Variants in SPATA33 observed in about 807,000 individuals in gnomAD.
SPATA33 encodes spermatogenesis-associated protein 33.
Under a neutral mutation model 8.9 loss-of-function variants are expected in SPATA33, and 10 were observed. The observed-to-expected ratio is 1.12, with a 90% CI of 0.69 to 1.90. The LOEUF (loss-of-function observed/expected upper bound fraction) is 1.90. SPATA33 is among the 40% of genes most tolerant of loss of function. SPATA33 has a pLI of 0.00. For missense variants in SPATA33, 241 were observed against 178.3 expected (o/e 1.35, Z -2.00); for synonymous variants, 96 against 72.8 (o/e 1.32, Z -1.63).
chr16:89,668,494 CAG>C (rs1187186184), intron 2 of SPATA33, among the ~76,000 whole-genome samples: 1 of 152,160 alleles, frequency 6.6e-6, no homozygotes, highest in Non-Finnish European at 1.5e-5. Context: ...CATATGTGTG[CAG>C]AGAGAGCCAG....
chr16:89,666,661 G>A (rs141432562), intron 2 of SPATA33, among the ~76,000 whole-genome samples: 279 of 152,274 alleles, frequency 1.8e-3, no homozygotes, highest in African/African-American at 5.9e-3. Context: ...CCACCAAGCC[G>A]TGGAGACCGG....
intron 2 of SPATA33, among the ~76,000 whole-genome samples, chr16:89,668,729 C>G (rs111484591): frequency 5.3e-5 from 8 of 152,364 alleles, no homozygotes; most frequent in South Asian, 2.1e-4. Flanking sequence ...GGCCGGCCAG[C>G]CAGGAGAGCA....
Position 89,658,348 on chromosome 16 carries a change from G to A in SPATA33, c.138G>A (p.Ser46=), listed in dbSNP as rs1328258401. ...AAGCCAGGCAGGCAGACAGGGAGTC[G>A]GAGAAGCCTGTGGACAGCCTCCACC... ...SQEARQADRE[S]EKPVDSLHPG... The change falls in exon 2 of 3, where the codon TCG becomes TCA. Residue 46 remains serine, a synonymous_variant. Transcript: ENST00000579310. The A allele has an allele frequency of 1.2e-6, 2 of 1,613,812 alleles. No homozygotes were observed. Among genetic ancestry groups the A allele is most frequent in the South Asian group, 2.2e-5 (2 of 91,080 alleles).
intron 2 of SPATA33, among the ~76,000 whole-genome samples, chr16:89,666,157 C>T (rs1010638812): frequency 1.4e-4 from 22 of 152,012 alleles, no homozygotes; most frequent in African/African-American, 4.8e-4. Flanking sequence ...GTCGGGCCCT[C>T]TGATACTCAA....
At position 89,666,241 on chromosome 16, in the gene SPATA33, C is replaced by T. The variant is rs551025877; in HGVS notation, c.212-3045C>T. Among the ~76,000 whole-genome samples the T allele has an allele frequency of 5.3e-5, 8 of 152,226 alleles. No homozygotes were observed. In the South Asian group the frequency reaches 1.7e-3, roughly 32 times the overall value. On this transcript the variant is annotated intron_variant, in intron 2 of 2. Coordinates refer to ENST00000579310, the MANE Select transcript of SPATA33 (RefSeq NM_001271907.2). ...GTCCCATAGGTGGGATCTGTGGTTCCAGCTACTCAGTGAGGTCCGAGGATC... is the reference window on the plus strand; with the variant it reads ...GTCCCATAGGTGGGATCTGTGGTTCTAGCTACTCAGTGAGGTCCGAGGATC...
intron 2 of SPATA33, chr16:89,658,696 T>C: frequency 2.1e-6 from 1 of 486,598 alleles, no homozygotes; most frequent in Non-Finnish European, 3.7e-6. Flanking sequence ...GTGTCTCACC[T>C]GAGGTTCTCC....
intron 2 of SPATA33, among the ~76,000 whole-genome samples, chr16:89,664,685 A>G (rs1019533420): frequency 6.6e-6 from 1 of 152,076 alleles, no homozygotes; most frequent in African/African-American, 2.4e-5. Context: ...CTGATCAGGG[A>G]AGCCAGACAG....
chr16:89,659,107 T>G (rs1568010009), intron 2 of SPATA33: 1 of 152,374 alleles, frequency 6.6e-6, no homozygotes, highest in Admixed American at 6.5e-5. Flanking sequence ...AAGACCAGCT[T>G]GGGCAACATA....
Position 89,658,386 on chromosome 16 carries a change from C to A in SPATA33, c.176C>A (p.Thr59Lys). ...PVDSLHPGAG[T>K]AKHPPPAASL... is the part of the protein sequence containing the mutation. The stretch of plus-strand genomic sequence containing the variant: ...GACAGCCTCCACCCGGGGGCCGGGA[C>A]AGCCAAGCACCCGCCGCCGGCAGCT... The change falls in exon 2 of 3, where the codon ACA becomes AAA. Residue 59 changes from threonine (T) to lysine (K), a missense_variant. Thr to Lys is a moderately conservative substitution (Grantham distance 78). Transcript: ENST00000579310. 6.2e-7 allele frequency: 1 copy of A among 1,612,342 alleles called. No individual in the cohort carries two copies. The highest frequency in any genetic ancestry group is 8.5e-7 in the Non-Finnish European group (1 of 1,179,604).
chr16:89,668,234 C>A (rs1055595439), intron 2 of SPATA33, among the ~76,000 whole-genome samples: 16 of 152,178 alleles, frequency 1.1e-4, no homozygotes, highest in African/African-American at 3.9e-4. Context: ...ATCACTTGAA[C>A]TCAGGAGGTG....
chr16:89,664,494 C>T (rs2059999907), intron 2 of SPATA33, among the ~76,000 whole-genome samples: 1 of 152,090 alleles, frequency 6.6e-6, no homozygotes, highest in Non-Finnish European at 1.5e-5. Flanking sequence ...CATCAAAATG[C>T]GAGATGATCC....
At chr16:89,664,997 C>T (rs1029711023) in intron 2 of SPATA33, among the ~76,000 whole-genome samples, 1 of 152,164 alleles carries the variant, frequency 6.6e-6, no homozygotes, top group African/African-American at 2.4e-5. Context: ...TGAGAAGAGT[C>T]ACATTTATTC....
chr16:89,668,781 G>C (rs965229197), intron 2 of SPATA33, among the ~76,000 whole-genome samples: 1 of 152,242 alleles, frequency 6.6e-6, no homozygotes, highest in African/African-American at 2.4e-5. Context: ...GGCAACGCTC[G>C]GCAGGCTCAG....
chr16:89,658,196 C>G (rs1338815577), intron 1 of SPATA33, 52 bp from the exon 2 acceptor site: 3 of 1,607,466 alleles, frequency 1.9e-6, no homozygotes, highest in Non-Finnish European at 2.6e-6. Flanking sequence ...ATGGGACCCA[C>G]TGCCCTGCAT....
intron 2 of SPATA33, among the ~76,000 whole-genome samples, chr16:89,661,934 C>G (rs187251790): frequency 1.3e-5 from 2 of 152,252 alleles, no homozygotes; most frequent in African/African-American, 4.8e-5. Context: ...CGCTAAAACA[C>G]AATCCCTATC....
intron 2 of SPATA33, among the ~76,000 whole-genome samples, chr16:89,663,225 C>T (rs1045798493): frequency 6.6e-6 from 1 of 150,604 alleles, no homozygotes; most frequent in African/African-American, 2.4e-5. Flanking sequence ...AGGTCACATG[C>T]TGTATGATTC....
In SPATA33 at chr16:89,658,325, G is replaced by T. The variant is rs1389960643; in HGVS notation, c.115G>T (p.Ala39Ser). The part of the protein sequence containing the change: ...EKLMEKHSQE[A>S]RQADRESEKP... ...GTTGATGGAGAAGCATTCCCAGGAA[G>T]CCAGGCAGGCAGACAGGGAGTCGGA... is the stretch of plus-strand genomic sequence containing the variant. Residue 39 changes from alanine (A) to serine (S), a missense_variant, in exon 2 of 3, where the codon GCC (alanine) becomes TCC (serine). Physicochemically the swap from Ala to Ser is moderately conservative, Grantham distance 99. Coordinates refer to ENST00000579310, the MANE Select transcript of SPATA33 (RefSeq NM_001271907.2). 4 of 1,614,008 alleles carry T rather than the reference G, an allele frequency of 2.5e-6. No homozygotes were observed.
intron 1 of SPATA33, 73 bp from the exon 2 acceptor site, chr16:89,658,175 G>T: frequency 3.8e-6 from 6 of 1,592,874 alleles, no homozygotes; most frequent in South Asian, 1.1e-5. Context: ...CCACGCAGGC[G>T]ACTGAAGACG....
In SPATA33 at chr16:89,669,743, C is replaced by A; in HGVS notation, c.*246C>A. The A allele has an allele frequency of 6.0e-6, 3 of 501,872 alleles. No homozygotes were observed. Among genetic ancestry groups the A allele is most frequent in the Non-Finnish European group, 1.1e-5 (3 of 284,158 alleles). 31.1% of individuals were successfully genotyped at this position (501,872 alleles called of 1,614,324 possible). A position where few individuals can be genotyped will look rare whatever the true frequency, so the allele number is the denominator to read the frequency against. ...GTGCTCTCAGGGAGGGTGCACCAGGCCTGCCCCCGCCGTGAGAAACTGCAG... is the reference window on the plus strand; with the variant it reads ...GTGCTCTCAGGGAGGGTGCACCAGGACTGCCCCCGCCGTGAGAAACTGCAG... On this transcript the variant is annotated 3_prime_UTR_variant, in exon 3 of 3. Coordinates refer to ENST00000579310, the MANE Select transcript of SPATA33 (RefSeq NM_001271907.2).
Sources: gnomAD v4.1 joint callset for allele counts (sites outside exome capture counted in the v4.1 genomes callset) on GRCh38, gnomAD v4.1.1 for gene constraint, MANE v1.5 for transcripts, NCBI Gene and HGNC (gene_info 2026-07-23, HGNC 2026-07-21) for gene names.